Variants in RAB9B observed in about 807,000 individuals in gnomAD.
RAB9B encodes ras-related protein Rab-9B.
In RAB9B, 1 loss-of-function variant was observed where a neutral mutation model predicts 8.9. The observed-to-expected ratio is 0.11, with a 90% CI of 0.04 to 0.53. The LOEUF is 0.53. Ranked by LOEUF, RAB9B falls within the 20% of genes least tolerant of loss-of-function variation. The probability of loss-of-function intolerance (pLI) is 0.93; values close to 1 mark genes in which losing one functional copy is unlikely to be tolerated. For missense variants in RAB9B, 82 were observed against 152.9 expected (o/e 0.54, Z 2.45); for synonymous variants, 63 against 57.0 (o/e 1.10, Z -0.47).
chrX:103,813,745 C>CAAAAAAAAAAAAAAAAAAA, the RAB9B span, among the ~76,000 whole-genome samples: 4 of 8,542 alleles, frequency 4.7e-4, 2 homozygotes, highest in Admixed American at 4.5e-3. Context: ...AAATGGAAAG[C>CAAAAAAAAAAAAAAAAAAA]AAAAAAAAAA....
At chrX:103,781,212 C>T in the RAB9B span, 1 of 286,541 alleles carries the variant, frequency 3.5e-6, no homozygotes, top group Non-Finnish European at 7.0e-6. Context: ...GGGCCCAGGG[C>T]ATGGGAAAGG....
intron 1 of RAB9B, among the ~76,000 whole-genome samples, chrX:103,829,464 A>G (rs189594693): frequency 8.0e-5 from 9 of 112,290 alleles, no homozygotes; most frequent in Non-Finnish European, 1.1e-4. Flanking sequence ...CCTTCATTCA[A>G]TCCTGCTGAT....
intron 1 of RAB9B, among the ~76,000 whole-genome samples, chrX:103,828,841 G>A (rs2074693101): frequency 8.9e-6 from 1 of 112,087 alleles, no homozygotes; most frequent in Admixed American, 9.4e-5. Flanking sequence ...GAAAAGCAAT[G>A]TGGTTCAGTG....
the RAB9B span, among the ~76,000 whole-genome samples, chrX:103,808,136 A>G: frequency 9.0e-6 from 1 of 111,656 alleles, no homozygotes; most frequent in Non-Finnish European, 1.9e-5. Context: ...GTTTGCTAGT[A>G]CACAGAAGGC....
chrX:103,792,295 A>G, the RAB9B span: 1 of 112,440 alleles, frequency 8.9e-6, no homozygotes, highest in Non-Finnish European at 1.9e-5. Context: ...TATACAAGAT[A>G]AGCTTCCAGG....
intron 1 of RAB9B, among the ~76,000 whole-genome samples, chrX:103,828,308 C>T (rs1183462489): frequency 8.9e-6 from 1 of 112,098 alleles, no homozygotes; most frequent in Non-Finnish European, 1.9e-5. Context: ...GGTTTATATA[C>T]ACTCTACAGA....
chrX:103,796,752 G>A, the RAB9B span, among the ~76,000 whole-genome samples: 3 of 103,472 alleles, frequency 2.9e-5, no homozygotes, highest in South Asian at 4.7e-4. Context: ...GCTGAATCCC[G>A]GTATTTGTCA....
the RAB9B span, among the ~76,000 whole-genome samples, chrX:103,816,595 C>A: frequency 1.8e-5 from 2 of 112,070 alleles, no homozygotes; most frequent in Non-Finnish European, 1.9e-5. Context: ...TCTAATTAAA[C>A]TAAAGAGCTT....
At chrX:103,817,826 T>G (rs763831834), downstream of RAB9B, among the ~76,000 whole-genome samples, 1 of 111,336 alleles carries the variant, frequency 9.0e-6, no homozygotes, top group African/African-American at 3.3e-5. Flanking sequence ...GAATATTTTT[T>G]ATTTCTAGCA....
At chrX:103,816,677 A>T in the RAB9B span, among the ~76,000 whole-genome samples, 1 of 112,301 alleles carries the variant, frequency 8.9e-6, no homozygotes, top group African/African-American at 3.2e-5. Flanking sequence ...TTTGCAATCT[A>T]TCCATCTGAC....
At chrX:103,805,806 T>C in the RAB9B span, among the ~76,000 whole-genome samples, 2 of 112,161 alleles carry the variant, frequency 1.8e-5, no homozygotes, top group Non-Finnish European at 3.8e-5. Flanking sequence ...CTGATTTTTG[T>C]AAGTCAACTC....
the RAB9B span, chrX:103,776,783 G>A: frequency 2.3e-6 from 1 of 427,035 alleles, no homozygotes. Flanking sequence ...GGGAGGAGGA[G>A]AGGAGGAGGA....
intron 1 of RAB9B, among the ~76,000 whole-genome samples, chrX:103,831,461 T>G (rs1019853997): frequency 2.0e-4 from 20 of 100,482 alleles, no homozygotes; most frequent in African/African-American, 7.3e-4. Flanking sequence ...GAGTCCCACA[T>G]CTAACCTTTC....
chrX:103,811,389 A>T, the RAB9B span, among the ~76,000 whole-genome samples: 1 of 112,156 alleles, frequency 8.9e-6, no homozygotes, highest in South Asian at 3.7e-4. Flanking sequence ...CTTATTCTCC[A>T]TACCATAAAA....
the RAB9B span, among the ~76,000 whole-genome samples, chrX:103,803,187 A>G: frequency 5.5e-4 from 62 of 112,141 alleles, no homozygotes; most frequent in Non-Finnish European, 9.0e-4. Flanking sequence ...GTGTGAACAT[A>G]TGTTTTCAAT....
the RAB9B span, among the ~76,000 whole-genome samples, chrX:103,802,248 G>A: frequency 8.2e-5 from 4 of 49,032 alleles, no homozygotes; most frequent in Non-Finnish European, 1.6e-4. Flanking sequence ...AAAAGGGAGA[G>A]AGACAGAGAG....
chrX:103,831,446 A>G (rs1425071686), intron 1 of RAB9B, among the ~76,000 whole-genome samples: 1 of 101,921 alleles, frequency 9.8e-6, no homozygotes, highest in Non-Finnish European at 2.0e-5. Context: ...AAAGGGTCCA[A>G]TGTGGAGTCC....
At chrX:103,789,247 C>T in the RAB9B span, 18 of 710,914 alleles carry the variant, frequency 2.5e-5, 1 homozygote, top group South Asian at 3.6e-4. Context: ...GATATCAACA[C>T]ATTCAGAAAG....
the RAB9B span, chrX:103,786,764 TG>T: frequency 8.4e-7 from 1 of 1,196,261 alleles, no homozygotes; most frequent in South Asian, 1.8e-5. Flanking sequence ...TAACAAGGGG[TG>T]GGGGAAAATT....
Sources: gnomAD v4.1 joint callset for allele counts (sites outside exome capture counted in the v4.1 genomes callset) on GRCh38, gnomAD v4.1.1 for gene constraint, MANE v1.5 for transcripts, NCBI Gene and HGNC (gene_info 2026-07-23, HGNC 2026-07-21) for gene names.